The following CDH18 variants were observed in gnomAD, a reference collection of about 807,000 sequenced individuals.
The protein encoded by CDH18 is cadherin-18.
In CDH18, 31 loss-of-function variants were observed where a neutral mutation model predicts 67.9. The observed-to-expected ratio is 0.46, with a 90% CI of 0.34 to 0.62. The LOEUF (loss-of-function observed/expected upper bound fraction) is 0.62, where lower values mean the gene tolerates loss of function less well. CDH18 is among the 20% of genes least tolerant of loss of function. The probability of loss-of-function intolerance (pLI) is 0.01; values close to 1 mark genes in which losing one functional copy is unlikely to be tolerated. For synonymous variants in CDH18, 362 were observed against 347.2 expected (o/e 1.04, Z -0.48); for missense variants, 890 against 975.5 (o/e 0.91, Z 1.17).
At chr5:19,609,490 T>C (rs1748606983) in intron 6 of CDH18, among the ~76,000 whole-genome samples, 1 of 151,972 alleles carries the variant, frequency 6.6e-6, no homozygotes, top group Non-Finnish European at 1.5e-5. Context: ...ACTGAGTTTG[T>C]AACTCTCTAG....
chr5:19,861,053 A>C (rs1311886606), intron 2 of CDH18, among the ~76,000 whole-genome samples: 1 of 152,162 alleles, frequency 6.6e-6, no homozygotes, highest in Non-Finnish European at 1.5e-5. Flanking sequence ...TCATTATTTC[A>C]TCATTTTTAA....
At chr5:19,603,465 T>A (rs1367509848) in intron 6 of CDH18, among the ~76,000 whole-genome samples, 1 of 152,128 alleles carries the variant, frequency 6.6e-6, no homozygotes, top group African/African-American at 2.4e-5. Context: ...AATATGAATA[T>A]ACGTAGTGTT....
chr5:19,662,350 T>A (rs559276372), intron 5 of CDH18, among the ~76,000 whole-genome samples: 125 of 152,070 alleles, frequency 8.2e-4, no homozygotes, highest in Non-Finnish European at 1.6e-3. Context: ...CACGAAATAT[T>A]TTGAGGGCAT....
chr5:20,492,993 T>C (rs765072626), intron 1 of CDH18, among the ~76,000 whole-genome samples: 40 of 151,800 alleles, frequency 2.6e-4, no homozygotes, highest in Admixed American at 5.3e-4. Flanking sequence ...TGATAAAGAG[T>C]TAAAAACAGG....
chr5:20,055,607 A>T (rs1741829374), intron 2 of CDH18, among the ~76,000 whole-genome samples: 1 of 152,224 alleles, frequency 6.6e-6, no homozygotes, highest in South Asian at 2.1e-4. Flanking sequence ...AAGTAAGGAA[A>T]CAAACTAACC....
intron 10 of CDH18, among the ~76,000 whole-genome samples, chr5:19,511,952 G>A (rs946993477): frequency 7.9e-5 from 12 of 152,102 alleles, no homozygotes; most frequent in African/African-American, 2.9e-4. Flanking sequence ...GGTGTCCTCG[G>A]CAGCCCCTCC....
At chr5:19,962,378 C>CAAAAAAAAAAAAAAAAAAA (rs3065078) in intron 2 of CDH18, among the ~76,000 whole-genome samples, 2 of 51,586 alleles carry the variant, frequency 3.9e-5, no homozygotes, top group Non-Finnish European at 6.6e-5. Context: ...CGTCAAAAAG[C>CAAAAAAAAAAAAAAAAAAA]AAAAAAAAAA....
Position 19,942,199 on chromosome 5 carries a change from G to A in CDH18, c.-257+38861C>T, listed in dbSNP as rs368400472. Among the ~76,000 whole-genome samples the A allele has an allele frequency of 2.8e-3, 431 of 152,234 alleles. 1 individual carries two copies. The highest frequency in any genetic ancestry group is 3.9e-3 in the Non-Finnish European group (267 of 68,010). On this transcript the variant is annotated intron_variant, in intron 2 of 12. Coordinates refer to ENST00000382275, the MANE Select transcript of CDH18 (RefSeq NM_004934.5). ...TTCCCAACTAGTATTGAAATATCAG[G>A]AGGATACAGACACCCTTTTGGAAGA...
chr5:20,469,701 T>C (rs912121225), intron 1 of CDH18, among the ~76,000 whole-genome samples: 2 of 152,174 alleles, frequency 1.3e-5, no homozygotes, highest in African/African-American at 4.8e-5. Flanking sequence ...CTGGTCTTCA[T>C]TGCTCCCTCC....
At chr5:20,291,325 G>A (rs1747087448) in intron 1 of CDH18, among the ~76,000 whole-genome samples, 1 of 152,074 alleles carries the variant, frequency 6.6e-6, no homozygotes, top group Non-Finnish European at 1.5e-5. Flanking sequence ...CAGAAATGAA[G>A]ACTAAGAGAG....
intron 2 of CDH18, among the ~76,000 whole-genome samples, chr5:19,998,338 G>C (rs1736170381): frequency 6.6e-6 from 1 of 152,156 alleles, no homozygotes. Flanking sequence ...TTTGGTTATT[G>C]ACTTTGGAAA....
chr5:19,928,149 G>A (rs190016815), intron 2 of CDH18, among the ~76,000 whole-genome samples: 5 of 152,264 alleles, frequency 3.3e-5, no homozygotes, highest in Admixed American at 3.3e-4. Flanking sequence ...CAAATTACCT[G>A]CAGAGAGTCG....
chr5:19,766,004 C>T (rs878861087), intron 3 of CDH18, among the ~76,000 whole-genome samples: 13 of 152,022 alleles, frequency 8.6e-5, no homozygotes, highest in East Asian at 3.9e-4. Flanking sequence ...CTCAGCCTCC[C>T]GAGTAGCTGG....
intron 1 of CDH18, among the ~76,000 whole-genome samples, chr5:20,472,963 T>C (rs142559037): frequency 6.6e-6 from 1 of 152,200 alleles, no homozygotes; most frequent in Admixed American, 6.5e-5. Context: ...GAATAGTTGA[T>C]ATATTTTAAG....
At position 20,078,208 on chromosome 5, in the gene CDH18, T is replaced by C. The variant is rs562396688; in HGVS notation, c.-517-86194A>G. ...CGGGTGTGGTGGCTTACGCCTGTAA[T>C]CCCAGCACTTTGGGAGGCCGAGGCA... On this transcript the variant is annotated intron_variant, in intron 2 of 14. Coordinates refer to the CDH18 transcript ENST00000507958. 4.6e-5 allele frequency among the ~76,000 whole-genome samples: 7 copies of C among 152,292 alleles called. No homozygotes were observed. The South Asian group carries it at 1.5e-3, about 32-fold the overall frequency.
chr5:19,565,251 T>C (rs1248295236), intron 8 of CDH18, among the ~76,000 whole-genome samples: 2 of 152,150 alleles, frequency 1.3e-5, no homozygotes, highest in Non-Finnish European at 2.9e-5. Context: ...TCCAGTGATA[T>C]GTTCATTTCA....
chr5:20,464,170 A>T (rs1247435529), intron 1 of CDH18, among the ~76,000 whole-genome samples: 1 of 152,212 alleles, frequency 6.6e-6, no homozygotes, highest in East Asian at 1.9e-4. Context: ...AGTATCTAAC[A>T]GACCAAGTAG....
intron 1 of CDH18, among the ~76,000 whole-genome samples, chr5:20,378,586 C>T (rs1743656404): frequency 6.6e-6 from 1 of 152,042 alleles, no homozygotes. Flanking sequence ...ATAATGATAA[C>T]TAATTTGTAG....
chr5:20,014,921 G>T (rs1055020521), intron 2 of CDH18, among the ~76,000 whole-genome samples: 1 of 152,070 alleles, frequency 6.6e-6, no homozygotes, highest in Admixed American at 6.6e-5. Flanking sequence ...TTTTCATCTA[G>T]AGAGCATCCT....
Sources: gnomAD v4.1 joint callset for allele counts (sites outside exome capture counted in the v4.1 genomes callset) on GRCh38, gnomAD v4.1.1 for gene constraint, MANE v1.5 for transcripts, NCBI Gene and HGNC (gene_info 2026-07-23, HGNC 2026-07-21) for gene names.